The following DEPDC4 variants were observed in gnomAD, a reference collection of about 807,000 sequenced individuals.
DEPDC4 encodes DEP domain containing 4, also known as DEP domain-containing protein 4.
Under a neutral mutation model 52.0 loss-of-function variants are expected in DEPDC4, and 52 were observed. That is an observed-to-expected ratio of 1.00 (90% confidence interval 0.80 to 1.26). DEPDC4 has a LOEUF of 1.26. DEPDC4 is among the 50% of genes most tolerant of loss of function. DEPDC4 has a pLI of 0.00. For synonymous variants in DEPDC4, 201 were observed against 196.8 expected, an observed-to-expected ratio of 1.02 and a Z score of -0.18; for missense variants, 530 against 546.9, an observed-to-expected ratio of 0.97 and a Z score of 0.31.
chr12:100,243,088 A>G (rs1287208093), intron 8 of DEPDC4, among the ~76,000 whole-genome samples: 1 of 152,216 alleles, frequency 6.6e-6, no homozygotes, highest in African/African-American at 2.4e-5. Context: ...AGAGATTAAC[A>G]GCAATAACCA....
the DEPDC4 span, among the ~76,000 whole-genome samples, chr12:100,281,365 A>G: frequency 2.0e-5 from 3 of 152,130 alleles, no homozygotes; most frequent in Non-Finnish European, 2.9e-5. Context: ...GAATGTAATT[A>G]TTGTTTTAAT....
downstream of DEPDC4, among the ~76,000 whole-genome samples, chr12:100,235,729 T>C (rs1361561647): frequency 1.3e-5 from 2 of 152,066 alleles, no homozygotes; most frequent in African/African-American, 4.8e-5. Context: ...TGCCCGCCAC[T>C]GCGCCTGGCT....
chr12:100,267,092 G>C, upstream of DEPDC4: 1 of 1,610,496 alleles, frequency 6.2e-7, no homozygotes, highest in South Asian at 1.1e-5. Context: ...CGCCCCACCT[G>C]ACACCCGGGG....
rs1405569675 is a variant in DEPDC4 at position 100,244,122 on chromosome 12, T to C, written c.1454-1553A>G. Among the ~76,000 whole-genome samples the C allele has an allele frequency of 3.6e-5, 4 of 111,062 alleles. No individual in the cohort carries two copies. In the South Asian group the frequency reaches 7.9e-4, roughly 22 times the overall value. 72.9% of individuals were successfully genotyped at this position (111,062 alleles called of 152,430 possible). On this transcript the variant is annotated intron_variant, in intron 8 of 9. Transcript: ENST00000550587. ...ATATATATATATATATATATATATA[T>C]ATATATATATATACACAAAATACAA...
At position 100,232,417 on chromosome 12, in the gene DEPDC4, TATATGGGTTAATTAAC is replaced by T. The variant is rs1312068013; in HGVS notation, c.*699+5535_*699+5550del. Among the ~76,000 whole-genome samples, 6 of 150,470 alleles carry T rather than the reference TATATGGGTTAATTAAC, an allele frequency of 4.0e-5. No individual in the cohort carries two copies. The East Asian group carries it at 1.2e-3, about 30-fold the overall frequency. On this transcript the variant is annotated intron_variant and NMD_transcript_variant, in intron 9 of 10. Transcript: ENST00000378244. Reference sequence around the variant, plus strand: ...TCTCAAAAAAAAAAAAAAATCTTTGTATATGGGTTAATTAACATAATTTATATACCTCACAACTCCA... The same window carrying T: ...TCTCAAAAAAAAAAAAAAATCTTTGTATAATTTATATACCTCACAACTCCA...
intron 3 of DEPDC4, chr12:100,261,724 C>T (rs2096254306): frequency 2.2e-6 from 1 of 456,674 alleles, no homozygotes; most frequent in South Asian, 1.5e-5. Flanking sequence ...ATGTATATTG[C>T]CTCACCTGTC....
intron 9 of DEPDC4, among the ~76,000 whole-genome samples, chr12:100,234,264 A>C (rs561457935): frequency 1.7e-4 from 26 of 152,332 alleles, no homozygotes; most frequent in African/African-American, 6.3e-4. Flanking sequence ...TCAGAGAGAG[A>C]TACTAGCCTC....
At chr12:100,235,622 C>T (rs1214108935), downstream of DEPDC4, among the ~76,000 whole-genome samples, 7 of 151,604 alleles carry the variant, frequency 4.6e-5, no homozygotes, top group African/African-American at 1.2e-4. Context: ...TCACCCAGGC[C>T]GGAGTGCAGT....
intron 3 of DEPDC4, among the ~76,000 whole-genome samples, chr12:100,259,593 C>T (rs1222576366): frequency 2.0e-5 from 3 of 152,104 alleles, no homozygotes; most frequent in Non-Finnish European, 4.4e-5. Context: ...TGCTGTATTG[C>T]TCTAATCAAA....
intron 7 of DEPDC4, 143 bp downstream of exon 7, chr12:100,252,033 T>C (rs757742421): frequency 4.2e-6 from 3 of 720,660 alleles, no homozygotes; most frequent in Non-Finnish European, 5.2e-6. Context: ...TTCTTCTCTT[T>C]TGTGGGTGTG....
At chr12:100,235,981 T>C (rs1444535784), downstream of DEPDC4, among the ~76,000 whole-genome samples, 4 of 152,224 alleles carry the variant, frequency 2.6e-5, no homozygotes, top group African/African-American at 9.7e-5. Context: ...CATAGAATAA[T>C]GGTCTCCAAT....
At chr12:100,268,366 G>A (rs927253142), upstream of DEPDC4, among the ~76,000 whole-genome samples, 17 of 152,082 alleles carry the variant, frequency 1.1e-4, no homozygotes, top group Non-Finnish European at 4.4e-5. Context: ...TTGAAAGTCA[G>A]GTGCTTGAAG....
At chr12:100,265,136 T>C (rs1034165620) in intron 1 of DEPDC4, among the ~76,000 whole-genome samples, 4 of 150,564 alleles carry the variant, frequency 2.7e-5, no homozygotes, top group African/African-American at 4.9e-5. Context: ...CTATAAAAAA[T>C]ACAAAAAATT....
Position 100,263,594 on chromosome 12 carries a change from A to T in DEPDC4, c.457T>A (p.Ser153Thr). Residue 153 changes from serine to threonine, a missense_variant, in exon 2 of 10, where the codon TCC (serine) becomes ACC (threonine). By Grantham distance (58) the Ser-to-Thr change is moderately conservative (BLOSUM62 1). Coordinates refer to ENST00000550587, the MANE Select transcript of DEPDC4 (RefSeq NM_001364818.2). ...AGAAACCTGTAGAGACTAATGTTGG[A>T]ATCTTCAAATTCTAATTCCTTTTCT... ...KKEKELEFED[S>T]NISLYRFLGN... 6.2e-7 allele frequency: 1 copy of T among 1,614,052 alleles called. No homozygotes were observed. The highest frequency in any genetic ancestry group is 8.5e-7 in the Non-Finnish European group (1 of 1,179,948).
At chr12:100,276,684 T>A in the DEPDC4 span, among the ~76,000 whole-genome samples, 1 of 152,154 alleles carries the variant, frequency 6.6e-6, no homozygotes, top group Non-Finnish European at 1.5e-5. Flanking sequence ...ATTTCATTGA[T>A]CTTTTCAAAA....
At chr12:100,278,533 C>G in the DEPDC4 span, among the ~76,000 whole-genome samples, 2 of 152,078 alleles carry the variant, frequency 1.3e-5, no homozygotes, top group Non-Finnish European at 2.9e-5. Flanking sequence ...TTTTCCCCAA[C>G]CTGTAGAATT....
the DEPDC4 span, among the ~76,000 whole-genome samples, chr12:100,273,374 G>A: frequency 6.6e-6 from 1 of 152,048 alleles, no homozygotes; most frequent in South Asian, 2.1e-4. Context: ...TGTATATTCT[G>A]TAGCGTTTTA....
intron 1 of DEPDC4, 25 bp from the exon 2 acceptor site, chr12:100,263,918 C>T: frequency 6.3e-7 from 1 of 1,575,402 alleles, no homozygotes; most frequent in South Asian, 1.2e-5. Flanking sequence ...ATATGCATTT[C>T]TAACAAATCT....
chr12:100,276,930 A>AATTTTC, the DEPDC4 span, among the ~76,000 whole-genome samples: 6 of 151,960 alleles, frequency 3.9e-5, no homozygotes, highest in Non-Finnish European at 8.8e-5. Flanking sequence ...ATGACCCACA[A>AATTTTC]ATTTTCATTT....
Sources: gnomAD v4.1 joint callset for allele counts (sites outside exome capture counted in the v4.1 genomes callset) on GRCh38, gnomAD v4.1.1 for gene constraint, MANE v1.5 for transcripts, NCBI Gene and HGNC (gene_info 2026-07-23, HGNC 2026-07-21) for gene names.